The following STPG2 variants were observed in gnomAD, a reference collection of about 807,000 sequenced individuals.
STPG2 encodes the protein sperm tail PG-rich repeat containing 2.
Under a neutral mutation model 54.2 loss-of-function variants are expected in STPG2, and 56 were observed. The ratio of observed to expected loss-of-function variants is 1.03; its 90% CI spans 0.83 to 1.29. The LOEUF is 1.29. STPG2 is among the 50% of genes most tolerant of loss of function. The pLI is 0.00. For missense variants in STPG2, 596 were observed against 544.9 expected, an observed-to-expected ratio of 1.09 and a Z score of -0.93; for synonymous variants, 200 against 181.8, an observed-to-expected ratio of 1.10 and a Z score of -0.81.
intron 10 of STPG2, among the ~76,000 whole-genome samples, chr4:97,603,966 T>C (rs555600889): frequency 6.6e-6 from 1 of 151,726 alleles, no homozygotes; most frequent in South Asian, 2.1e-4. Context: ...GTTAAAAGGG[T>C]AAATTTTATG....
intron 4 of STPG2, among the ~76,000 whole-genome samples, chr4:97,448,880 T>G (rs1225540829): frequency 6.6e-6 from 1 of 152,132 alleles, no homozygotes; most frequent in African/African-American, 2.4e-5. Flanking sequence ...GCCTTAAAAA[T>G]GGACTGAGCT....
chr4:97,833,426 C>T (rs1206030387), intron 9 of STPG2, among the ~76,000 whole-genome samples: 1 of 152,112 alleles, frequency 6.6e-6, no homozygotes, highest in Non-Finnish European at 1.5e-5. Context: ...TAGGCAGTAT[C>T]ATTCAGGACA....
intron 5 of STPG2, among the ~76,000 whole-genome samples, chr4:98,008,511 CT>C (rs1735642558): frequency 1.2e-4 from 1 of 8,170 alleles, no homozygotes; most frequent in Non-Finnish European, 4.0e-4. Flanking sequence ...AGTATAAAAA[CT>C]CACAGGTTTT....
chr4:97,813,571 G>A (rs1255058904), intron 9 of STPG2, among the ~76,000 whole-genome samples: 1 of 149,654 alleles, frequency 6.7e-6, no homozygotes, highest in Non-Finnish European at 1.5e-5. Flanking sequence ...GTCAGATGCA[G>A]TGGTGCATGC....
chr4:97,485,116 A>T (rs1730320904), intron 4 of STPG2, among the ~76,000 whole-genome samples: 1 of 151,816 alleles, frequency 6.6e-6, no homozygotes. Context: ...AATGGGGAAA[A>T]GTTGAAGGCC....
intron 8 of STPG2, among the ~76,000 whole-genome samples, chr4:97,849,826 C>G (rs1434204893): frequency 3.9e-5 from 6 of 152,014 alleles, no homozygotes; most frequent in Admixed American, 6.6e-5. Context: ...GTTGGTGGGA[C>G]TGTCAACTAG....
rs533466227 is a variant in STPG2, at chr4:97,734,677, A to C, written c.1205-21863T>G. ...AAGGATCAAATGTGGTGCAGGAAAA[A>C]AAAGTTAAGAAAATGGCCTTGGCAA... On this transcript the variant is annotated intron_variant, in intron 9 of 10. Coordinates refer to ENST00000295268, the MANE Select transcript of STPG2 (RefSeq NM_174952.3). Among the ~76,000 whole-genome samples the C allele has an allele frequency of 4.6e-5, 7 of 152,282 alleles. No individual in the cohort carries two copies. In the East Asian group the frequency reaches 1.4e-3, roughly 29 times the overall value.
At chr4:97,761,794 A>G (rs909931660) in intron 9 of STPG2, among the ~76,000 whole-genome samples, 3 of 152,176 alleles carry the variant, frequency 2.0e-5, no homozygotes, top group African/African-American at 4.8e-5. Context: ...TTTAATTTAC[A>G]TACTGTCCTG....
At chr4:97,831,793 A>G (rs1409895350) in intron 9 of STPG2, among the ~76,000 whole-genome samples, 1 of 152,222 alleles carries the variant, frequency 6.6e-6, no homozygotes, top group Non-Finnish European at 1.5e-5. Context: ...ATTCCTGGCC[A>G]CATACACCTT....
chr4:97,455,638 G>T (rs959101861), intron 4 of STPG2, among the ~76,000 whole-genome samples: 4 of 152,100 alleles, frequency 2.6e-5, no homozygotes, highest in Non-Finnish European at 4.4e-5. Flanking sequence ...AAAACCTTAC[G>T]TTCATTCTCC....
chr4:97,652,375 C>G (rs1722096009), intron 10 of STPG2, among the ~76,000 whole-genome samples: 1 of 151,704 alleles, frequency 6.6e-6, no homozygotes, highest in Non-Finnish European at 1.5e-5. Context: ...GAGATTTCAC[C>G]TTTAAAATCA....
chr4:97,725,401 T>C (rs1463600553), intron 9 of STPG2, among the ~76,000 whole-genome samples: 4 of 150,672 alleles, frequency 2.7e-5, no homozygotes, highest in East Asian at 2.0e-4. Context: ...CCAAAATAAA[T>C]AGAAAAACTG....
intron 4 of STPG2, among the ~76,000 whole-genome samples, chr4:97,495,730 A>G (rs1178853071): frequency 2.0e-5 from 3 of 149,958 alleles, no homozygotes; most frequent in Non-Finnish European, 3.0e-5. Flanking sequence ...AAAAAAACAC[A>G]GAACTACAAA....
intron 5 of STPG2, among the ~76,000 whole-genome samples, chr4:98,037,209 A>AT (rs1470767315): frequency 1.3e-5 from 2 of 152,070 alleles, no homozygotes; most frequent in African/African-American, 4.8e-5. Flanking sequence ...AAAAATGGAG[A>AT]ACACAAGAAA....
At chr4:97,834,792 G>T (rs958372436) in intron 9 of STPG2, among the ~76,000 whole-genome samples, 1 of 152,062 alleles carries the variant, frequency 6.6e-6, no homozygotes, top group East Asian at 1.9e-4. Flanking sequence ...CCTTTTGTTG[G>T]TACTGAAGAG....
At chr4:97,942,328 T>C (rs1733018855) in intron 8 of STPG2, among the ~76,000 whole-genome samples, 1 of 151,982 alleles carries the variant, frequency 6.6e-6, no homozygotes, top group Admixed American at 6.6e-5. Context: ...CATGGCATAC[T>C]TCACAATGGA....
chr4:98,120,768 T>C (rs2110155169), intron 3 of STPG2, among the ~76,000 whole-genome samples: 1 of 152,316 alleles, frequency 6.6e-6, no homozygotes, highest in South Asian at 2.1e-4. Context: ...TTTTTTATTG[T>C]AAATTTGGTT....
At chr4:98,099,940 C>T (rs889499807) in intron 5 of STPG2, among the ~76,000 whole-genome samples, 22 of 151,960 alleles carry the variant, frequency 1.4e-4, no homozygotes, top group Non-Finnish European at 2.4e-4. Context: ...CTTAAGGAGA[C>T]GGATACCCAA....
intron 4 of STPG2, among the ~76,000 whole-genome samples, chr4:97,501,735 A>G (rs543270116): frequency 2.0e-5 from 3 of 152,040 alleles, no homozygotes; most frequent in African/African-American, 7.2e-5. Flanking sequence ...CATTATATAC[A>G]AAATAAGGAC....
Sources: allele counts gnomAD v4.1 joint callset (sites outside exome capture counted in the v4.1 genomes callset), GRCh38; gene constraint gnomAD v4.1.1; transcripts MANE v1.5; gene names NCBI Gene and HGNC (gene_info 2026-07-23, HGNC 2026-07-21).